ENOX1: variants seen among roughly 807,000 people sequenced by gnomAD.
ENOX1 encodes ecto-NOX disulfide-thiol exchanger 1, also known as candidate growth-related and time keeping constitutive hydroquinone (NADH) oxidase.
Under a neutral mutation model 82.5 loss-of-function variants are expected in ENOX1, and 42 were observed. That is an observed-to-expected ratio of 0.51 (90% CI 0.40 to 0.66). The LOEUF (loss-of-function observed/expected upper bound fraction) is 0.66, where lower values mean the gene tolerates loss of function less well. ENOX1 is among the 30% of genes least tolerant of loss of function. ENOX1 has a pLI of 0.00. For missense variants in ENOX1, 608 were observed against 811.6 expected, an observed-to-expected ratio of 0.75 and a Z score of 3.05; for synonymous variants, 271 against 282.2, an observed-to-expected ratio of 0.96 and a Z score of 0.40.
chr13:43,574,460 A>G (rs1043272406), intron 2 of ENOX1, among the ~76,000 whole-genome samples: 9 of 152,198 alleles, frequency 5.9e-5, no homozygotes, highest in Non-Finnish European at 1.3e-4. Flanking sequence ...AGTGACCTTC[A>G]TTGTACAATA....
intron 2 of ENOX1, among the ~76,000 whole-genome samples, chr13:43,515,304 C>A (rs1444011154): frequency 1.3e-5 from 2 of 152,122 alleles, no homozygotes; most frequent in African/African-American, 2.4e-5. Context: ...GAATTACATT[C>A]TCTGAGAGTG....
chr13:43,737,694 T>G lies in ENOX1; in HGVS notation c.-285+48958A>C, dbSNP rs185641591. Among the ~76,000 whole-genome samples the G allele has an allele frequency of 2.5e-3, 381 of 152,310 alleles. 2 individuals are homozygous for G. In the Middle Eastern group the frequency reaches 0.034, roughly 14 times the overall value. ...CTAGGAAGGAGACTAGGATTGGCCT[T>G]CTAAAAGGGACCACGTGGTTAAAGA... is the stretch of plus-strand genomic sequence containing the variant. On this transcript the variant is annotated intron_variant, in intron 1 of 16. Coordinates refer to ENST00000690772, the MANE Select transcript of ENOX1 (RefSeq NM_001347969.2).
chr13:43,493,140 C>T (rs1415089470), intron 2 of ENOX1, among the ~76,000 whole-genome samples: 1 of 152,300 alleles, frequency 6.6e-6, no homozygotes, highest in Non-Finnish European at 1.5e-5. Context: ...TTCTCTCTCT[C>T]TCTCTCTCTC....
intron 14 of ENOX1, among the ~76,000 whole-genome samples, chr13:43,261,442 G>A (rs2044053355): frequency 6.6e-6 from 1 of 152,114 alleles, no homozygotes; most frequent in African/African-American, 2.4e-5. Context: ...AATATGAGAT[G>A]CAACCAAGAT....
chr13:43,729,222 T>C (rs975207382), intron 1 of ENOX1, among the ~76,000 whole-genome samples: 1 of 152,206 alleles, frequency 6.6e-6, no homozygotes, highest in Non-Finnish European at 1.5e-5. Flanking sequence ...TAATTATATA[T>C]GTCAAGATAA....
At chr13:43,340,044 G>A (rs375380450) in intron 9 of ENOX1, among the ~76,000 whole-genome samples, 1 of 152,202 alleles carries the variant, frequency 6.6e-6, no homozygotes, top group Non-Finnish European at 1.5e-5. Context: ...AAGTACAGTT[G>A]AGACACAAAC....
chr13:43,776,063 T>TA (rs1487856201), intron 1 of ENOX1, among the ~76,000 whole-genome samples: 1 of 152,130 alleles, frequency 6.6e-6, no homozygotes, highest in African/African-American at 2.4e-5. Context: ...GATAATACTA[T>TA]AAAAAGTATT....
chr13:43,421,770 C>A (rs2054989209), intron 3 of ENOX1, among the ~76,000 whole-genome samples: 1 of 151,824 alleles, frequency 6.6e-6, no homozygotes, highest in South Asian at 2.1e-4. Context: ...GGAAACTAGT[C>A]ATCTGTGCAT....
At chr13:43,467,192 T>G (rs1236345500) in intron 3 of ENOX1, among the ~76,000 whole-genome samples, 1 of 152,198 alleles carries the variant, frequency 6.6e-6, no homozygotes, top group Non-Finnish European at 1.5e-5. Flanking sequence ...GTCAAGGTGT[T>G]TTATCAAAGT....
chr13:43,413,215 G>T (rs999845655), intron 3 of ENOX1, among the ~76,000 whole-genome samples: 8 of 152,106 alleles, frequency 5.3e-5, no homozygotes, highest in African/African-American at 1.9e-4. Flanking sequence ...CAGGAGCCTG[G>T]GCTGGCTGAA....
rs1037802042 is a variant in ENOX1 at position 43,326,399 on chromosome 13, GTAA to G, written c.1143+17_1143+19del. ...CCAGCTGTGTGATGGTGGTTAAAAAGTAATAATAAAATCACCAACCTCAGAATG... is the reference window on the plus strand; with the variant it reads ...CCAGCTGTGTGATGGTGGTTAAAAAGTAATAAAATCACCAACCTCAGAATG... On this transcript the variant is annotated intron_variant, in intron 10 of 16. Coordinates refer to ENST00000690772, the MANE Select transcript of ENOX1 (RefSeq NM_001347969.2). 3.1e-6 allele frequency: 5 copies of G among 1,603,148 alleles called. No homozygotes were observed. The highest frequency in any genetic ancestry group is 4.3e-6 in the Non-Finnish European group (5 of 1,170,074).
At chr13:43,741,083 CTT>C (rs35602155) in intron 1 of ENOX1, among the ~76,000 whole-genome samples, 4,256 of 127,110 alleles carry the variant, frequency 0.033, 124 homozygotes, top group African/African-American at 0.083. Flanking sequence ...ATGGCTGAAA[CTT>C]TTTTTTTTTT....
At chr13:43,657,807 C>T (rs568989382) in intron 2 of ENOX1, among the ~76,000 whole-genome samples, 25 of 152,186 alleles carry the variant, frequency 1.6e-4, no homozygotes, top group African/African-American at 5.5e-4. Context: ...AGTGACTGCT[C>T]TAACAATAAA....
At position 43,578,389 on chromosome 13, in the gene ENOX1, A is replaced by G. The variant is rs527972579; in HGVS notation, c.-219+89090T>C. On this transcript the variant is annotated intron_variant, in intron 2 of 16. Transcript: ENST00000690772. The stretch of plus-strand genomic sequence containing the variant: ...GGAAAATGTATTATATTTGTGCTCT[A>G]GAATAATTTTGTTTATAAAATTTTT... Among the ~76,000 whole-genome samples, 191 of 152,344 alleles carry G rather than the reference A, an allele frequency of 1.3e-3. 1 individual carries two copies. The highest frequency in any genetic ancestry group is 4.5e-3 in the African/African-American group (187 of 41,584).
At chr13:43,627,450 A>T (rs1263175509) in intron 2 of ENOX1, among the ~76,000 whole-genome samples, 1 of 151,970 alleles carries the variant, frequency 6.6e-6, no homozygotes, top group Non-Finnish European at 1.5e-5. Context: ...TATTACATAT[A>T]TATGTATAAT....
chr13:43,634,093 G>A lies in ENOX1; in HGVS notation c.-219+33386C>T, dbSNP rs903300413. ...GCAGAAAGTTATTCATATTTGAACC[G>A]GCCAACAGATAATATGTGTACTCTC... On this transcript the variant is annotated intron_variant, in intron 2 of 16. Coordinates refer to ENST00000690772, the MANE Select transcript of ENOX1 (RefSeq NM_001347969.2). 5.3e-5 allele frequency among the ~76,000 whole-genome samples: 8 copies of A among 151,930 alleles called. No individual in the cohort carries two copies. In the South Asian group the frequency reaches 8.3e-4, roughly 16 times the overall value.
chr13:43,410,041 A>G (rs1299814373), intron 5 of ENOX1, among the ~76,000 whole-genome samples: 1 of 152,212 alleles, frequency 6.6e-6, no homozygotes, highest in African/African-American at 2.4e-5. Flanking sequence ...GATACGGTAA[A>G]TCTTCTATAA....
chr13:43,670,988 C>G (rs2085240762), intron 1 of ENOX1, among the ~76,000 whole-genome samples: 1 of 152,116 alleles, frequency 6.6e-6, no homozygotes. Context: ...TGTCCCTACC[C>G]AAATCTCATC....
intron 2 of ENOX1, among the ~76,000 whole-genome samples, chr13:43,494,639 A>G (rs1415972544): frequency 6.6e-6 from 1 of 152,238 alleles, no homozygotes; most frequent in African/African-American, 2.4e-5. Context: ...CACGGGAGTG[A>G]CACACAGAGT....
Sources: gnomAD v4.1 joint callset for allele counts (sites outside exome capture counted in the v4.1 genomes callset) on GRCh38, gnomAD v4.1.1 for gene constraint, MANE v1.5 for transcripts, NCBI Gene and HGNC (gene_info 2026-07-23, HGNC 2026-07-21) for gene names.